ATP8B4: variants seen among roughly 807,000 people sequenced by gnomAD.
ATP8B4 encodes the protein probable phospholipid-transporting ATPase IM.
Under a neutral mutation model 145.6 loss-of-function variants are expected in ATP8B4, and 133 were observed. That is an observed-to-expected ratio of 0.91 (90% CI 0.79 to 1.05). The LOEUF is 1.05. ATP8B4 is among the 50% of genes least tolerant of loss of function. The probability of loss-of-function intolerance (pLI) is 0.00; values close to 1 mark genes in which losing one functional copy is unlikely to be tolerated. For missense variants in ATP8B4, 1,458 were observed against 1,425.2 expected, an observed-to-expected ratio of 1.02 and a Z score of -0.37; for synonymous variants, 507 against 492.9, an observed-to-expected ratio of 1.03 and a Z score of -0.38.
At chr15:50,088,356 C>A (rs28485011) in intron 2 of ATP8B4, among the ~76,000 whole-genome samples, 4 of 151,030 alleles carry the variant, frequency 2.6e-5, no homozygotes, top group African/African-American at 9.8e-5. Flanking sequence ...AAAAAAAAAA[C>A]AAAAAACAAA....
chr15:49,918,748 T>C, intron 19 of ATP8B4, 91 bp downstream of exon 19: 1 of 888,240 alleles, frequency 1.1e-6, no homozygotes, highest in South Asian at 1.7e-5. Context: ...GGTGAATATT[T>C]AATTAATTAA....
intron 14 of ATP8B4, among the ~76,000 whole-genome samples, chr15:49,958,600 C>A (rs2153504250): frequency 6.6e-6 from 1 of 151,782 alleles, no homozygotes; most frequent in Non-Finnish European, 1.5e-5. Context: ...ACCTATGAGT[C>A]TTTTCAAATA....
intron 1 of ATP8B4, among the ~76,000 whole-genome samples, chr15:50,171,185 C>T (rs2044669167): frequency 6.6e-6 from 1 of 152,136 alleles, no homozygotes; most frequent in Non-Finnish European, 1.5e-5. Flanking sequence ...TGAATTTATA[C>T]TATACCTTGG....
intron 14 of ATP8B4, among the ~76,000 whole-genome samples, chr15:49,953,501 A>G (rs976089335): frequency 2.6e-5 from 4 of 152,214 alleles, no homozygotes; most frequent in Non-Finnish European, 5.9e-5. Context: ...AGACTACCAC[A>G]GCCAGTGTGT....
chr15:49,960,838 A>T (rs1201723990), intron 14 of ATP8B4, among the ~76,000 whole-genome samples: 2 of 152,240 alleles, frequency 1.3e-5, no homozygotes, highest in Non-Finnish European at 2.9e-5. Flanking sequence ...GGGTAAAAAA[A>T]TTATGAACCA....
intron 25 of ATP8B4, among the ~76,000 whole-genome samples, chr15:49,874,823 C>T (rs750785233): frequency 2.0e-5 from 3 of 152,016 alleles, no homozygotes; most frequent in Non-Finnish European, 4.4e-5. Context: ...TCTGTGGGCT[C>T]TCAACTTGTG....
At chr15:49,941,069 G>A (rs1038350643) in intron 14 of ATP8B4, among the ~76,000 whole-genome samples, 6 of 152,070 alleles carry the variant, frequency 3.9e-5, no homozygotes, top group Non-Finnish European at 7.4e-5. Context: ...GGAAAAGAAA[G>A]AATTATGGTG....
chr15:49,918,426 A>G (rs2039952872), intron 19 of ATP8B4, among the ~76,000 whole-genome samples: 1 of 152,212 alleles, frequency 6.6e-6, no homozygotes, highest in Non-Finnish European at 1.5e-5. Flanking sequence ...ACTTCCCCTA[A>G]GATCCTTCAA....
chr15:49,866,221 G>T, intron 26 of ATP8B4, 125 bp downstream of exon 26: 2 of 1,356,650 alleles, frequency 1.5e-6, no homozygotes, highest in Non-Finnish European at 2.0e-6. Context: ...CAGATGCCTG[G>T]CTCAAACAAT....
At chr15:50,023,320 G>A (rs1478582640) in intron 6 of ATP8B4, among the ~76,000 whole-genome samples, 2 of 152,142 alleles carry the variant, frequency 1.3e-5, no homozygotes, top group African/African-American at 4.8e-5. Flanking sequence ...AGGAGATTTC[G>A]TGCCAGGGAT....
intron 20 of ATP8B4, among the ~76,000 whole-genome samples, chr15:49,902,805 T>A (rs2038184869): frequency 6.6e-6 from 1 of 152,156 alleles, no homozygotes; most frequent in Non-Finnish European, 1.5e-5. Context: ...GAAATGAACA[T>A]TTCTCTGACA....
intron 1 of ATP8B4, among the ~76,000 whole-genome samples, chr15:50,144,845 G>T (rs1362298642): frequency 1.3e-5 from 2 of 151,412 alleles, no homozygotes; most frequent in East Asian, 3.9e-4. Context: ...CTTTTTCAAA[G>T]TTCACTTACT....
At chr15:49,997,139 C>T (rs60615107) in intron 8 of ATP8B4, among the ~76,000 whole-genome samples, 9 of 152,088 alleles carry the variant, frequency 5.9e-5, no homozygotes, top group African/African-American at 2.2e-4. Context: ...AGTCTACTAT[C>T]TACATAGGAG....
intron 12 of ATP8B4, among the ~76,000 whole-genome samples, chr15:49,978,815 G>GGT (rs60135914): frequency 0.4 from 57,914 of 145,048 alleles, 11,974 homozygotes; most frequent in African/African-American, 0.51. Flanking sequence ...AATAAAGAGG[G>GGT]GTGTGTGTGT....
At chr15:49,918,041 T>C (rs935689465) in intron 19 of ATP8B4, among the ~76,000 whole-genome samples, 1 of 152,184 alleles carries the variant, frequency 6.6e-6, no homozygotes, top group African/African-American at 2.4e-5. Context: ...CCTAATGCTA[T>C]AAAAAATACC....
chr15:49,941,892 A>G (rs2042189630), intron 14 of ATP8B4, among the ~76,000 whole-genome samples: 1 of 152,224 alleles, frequency 6.6e-6, no homozygotes, highest in Non-Finnish European at 1.5e-5. Flanking sequence ...TTTTGCAGCA[A>G]CTTGGATGAG....
intron 23 of ATP8B4, among the ~76,000 whole-genome samples, chr15:49,891,590 T>C (rs752233525): frequency 6.6e-6 from 1 of 152,164 alleles, no homozygotes; most frequent in Non-Finnish European, 1.5e-5. Flanking sequence ...CCTCCCAAAG[T>C]GCTAGGATTG....
chr15:49,911,645 A>T (rs187531475), intron 20 of ATP8B4, among the ~76,000 whole-genome samples: 1 of 152,158 alleles, frequency 6.6e-6, no homozygotes, highest in East Asian at 1.9e-4. Context: ...CAGATAATCA[A>T]TGAAGAACAT....
chr15:49,920,485 G>A (rs1030348444), intron 17 of ATP8B4, 75 bp from the exon 18 acceptor site: 6 of 1,448,200 alleles, frequency 4.1e-6, no homozygotes, highest in Non-Finnish European at 5.5e-6. Context: ...AAAAATAATT[G>A]GTGAGAAATT....
Sources: gnomAD v4.1 joint callset for allele counts (sites outside exome capture counted in the v4.1 genomes callset) on GRCh38, gnomAD v4.1.1 for gene constraint, MANE v1.5 for transcripts, NCBI Gene and HGNC (gene_info 2026-07-23, HGNC 2026-07-21) for gene names.